Variants in CSGALNACT1 observed in about 807,000 individuals in gnomAD.
CSGALNACT1 encodes the protein chondroitin sulfate N-acetylgalactosaminyltransferase 1.
In CSGALNACT1, 52 loss-of-function variants were observed where a neutral mutation model predicts 51.0. That is an observed-to-expected ratio of 1.02 (90% confidence interval 0.82 to 1.29). The LOEUF (loss-of-function observed/expected upper bound fraction) is 1.29, where lower values mean the gene tolerates loss of function less well. CSGALNACT1 is among the 50% of genes most tolerant of loss of function. The probability of loss-of-function intolerance (pLI) is 0.00; values close to 1 mark genes in which losing one functional copy is unlikely to be tolerated. For synonymous variants in CSGALNACT1, 341 were observed against 254.4 expected (o/e 1.34, Z -3.24); for missense variants, 935 against 679.2 (o/e 1.38, Z -4.19).
intron 3 of CSGALNACT1, among the ~76,000 whole-genome samples, chr8:19,513,240 C>T (rs2078786380): frequency 6.6e-6 from 1 of 151,794 alleles, no homozygotes. Context: ...GCACCCAGGA[C>T]ATAGGAGGAT....
exon 10 of CSGALNACT1, chr8:19,404,394 CATGA>C (rs1442232464): frequency 4.4e-6 from 2 of 453,142 alleles, no homozygotes; most frequent in East Asian, 1.4e-4. Flanking sequence ...ATAATTTTCA[CATGA>C]ATGAAGAAAC....
exon 1 of CSGALNACT1, chr8:19,682,482 A>C (rs2060691733): frequency 8.5e-6 from 3 of 353,806 alleles, no homozygotes; most frequent in Non-Finnish European, 1.7e-5. Context: ...CCCACACACG[A>C]GATCAAAAAG....
At chr8:19,739,571 A>G (rs1401818689) in intron 1 of CSGALNACT1, among the ~76,000 whole-genome samples, 1 of 152,204 alleles carries the variant, frequency 6.6e-6, no homozygotes, top group Non-Finnish European at 1.5e-5. Flanking sequence ...GCATGACCAC[A>G]CAAGTGAACC....
At chr8:19,741,680 G>A (rs912401146) in intron 1 of CSGALNACT1, among the ~76,000 whole-genome samples, 18 of 151,986 alleles carry the variant, frequency 1.2e-4, no homozygotes, top group African/African-American at 3.9e-4. Context: ...AAAGGCTTCT[G>A]AATTCTTTTC....
chr8:19,569,155 G>C lies in CSGALNACT1; in HGVS notation c.-297+22005C>G, dbSNP rs529845977. On this transcript the variant is annotated intron_variant, in intron 3 of 9. Transcript: ENST00000454498. ...CACAGTGCTACCATTAGCCAGATGG[G>C]CGTAGTGGGAATATCCTGAAAAGTA... 3.3e-5 allele frequency among the ~76,000 whole-genome samples: 5 copies of C among 152,314 alleles called. No individual in the cohort carries two copies. The South Asian group carries it at 8.3e-4, about 25-fold the overall frequency.
intron 4 of CSGALNACT1, among the ~76,000 whole-genome samples, chr8:19,491,795 A>C (rs1201990203): frequency 6.6e-6 from 1 of 152,254 alleles, no homozygotes; most frequent in African/African-American, 2.4e-5. Context: ...AGTAATTTGC[A>C]AACGACACAA....
At chr8:19,507,680 T>C (rs1177422044) in intron 3 of CSGALNACT1, among the ~76,000 whole-genome samples, 10 of 152,228 alleles carry the variant, frequency 6.6e-5, no homozygotes, top group Non-Finnish European at 1.5e-5. Flanking sequence ...CAGGCTGGAA[T>C]GCAGTGGCGC....
At chr8:19,486,490 C>T (rs1414033688) in intron 4 of CSGALNACT1, among the ~76,000 whole-genome samples, 1 of 152,154 alleles carries the variant, frequency 6.6e-6, no homozygotes, top group Non-Finnish European at 1.5e-5. Context: ...ACCTCATCTC[C>T]TCCTTTTCTC....
intron 1 of CSGALNACT1, among the ~76,000 whole-genome samples, chr8:19,695,537 G>T (rs943493544): frequency 1.3e-5 from 2 of 152,070 alleles, no homozygotes; most frequent in Non-Finnish European, 2.9e-5. Context: ...TTGACTCCAG[G>T]AAAATAACCT....
At chr8:19,520,228 C>T (rs192061242) in intron 3 of CSGALNACT1, among the ~76,000 whole-genome samples, 5 of 152,326 alleles carry the variant, frequency 3.3e-5, no homozygotes, top group African/African-American at 7.2e-5. Context: ...ATTTTAGAAA[C>T]TCCATGAAGC....
intron 5 of CSGALNACT1, among the ~76,000 whole-genome samples, chr8:19,445,367 G>A (rs1396521177): frequency 6.6e-6 from 1 of 152,168 alleles, no homozygotes; most frequent in Non-Finnish European, 1.5e-5. Flanking sequence ...TGAAGAAAAA[G>A]CATTCTCATT....
chr8:19,686,511 T>G (rs1484023241), upstream of CSGALNACT1, among the ~76,000 whole-genome samples: 3 of 152,184 alleles, frequency 2.0e-5, no homozygotes, highest in East Asian at 5.8e-4. Flanking sequence ...CTGGCTGTCC[T>G]TGGGGGTTTG....
intron 1 of CSGALNACT1, among the ~76,000 whole-genome samples, chr8:19,627,848 G>GA (rs1206461282): frequency 4.6e-5 from 7 of 152,094 alleles, no homozygotes; most frequent in Non-Finnish European, 1.0e-4. Context: ...AAAGCAGGAT[G>GA]AAAAAACTAG....
At chr8:19,466,310 T>C (rs1416035133) in intron 4 of CSGALNACT1, among the ~76,000 whole-genome samples, 1 of 152,184 alleles carries the variant, frequency 6.6e-6, no homozygotes, top group Non-Finnish European at 1.5e-5. Flanking sequence ...TCATTTAATA[T>C]ACTTCATCTT....
upstream of CSGALNACT1, among the ~76,000 whole-genome samples, chr8:19,604,565 A>G (rs2051082611): frequency 6.6e-6 from 1 of 152,080 alleles, no homozygotes; most frequent in African/African-American, 2.4e-5. Context: ...TGACTTTGCA[A>G]CACACCTTCA....
intron 3 of CSGALNACT1, among the ~76,000 whole-genome samples, chr8:19,565,906 A>C (rs1174207157): frequency 6.6e-6 from 1 of 152,204 alleles, no homozygotes; most frequent in Non-Finnish European, 1.5e-5. Flanking sequence ...GCAAGGCTCC[A>C]TCTCAAACAA....
At chr8:19,645,400 A>G (rs1332437222) in intron 1 of CSGALNACT1, among the ~76,000 whole-genome samples, 6 of 152,234 alleles carry the variant, frequency 3.9e-5, no homozygotes, top group Non-Finnish European at 7.3e-5. Context: ...TCCCTTTGTC[A>G]GAGAACAAGC....
chr8:19,413,642 G>A (rs1463458007), intron 8 of CSGALNACT1, among the ~76,000 whole-genome samples: 1 of 152,240 alleles, frequency 6.6e-6, no homozygotes, highest in Non-Finnish European at 1.5e-5. Context: ...TTTCTGAAGG[G>A]AGGTAGAGAG....
At chr8:19,415,978 A>C (rs542750403) in intron 8 of CSGALNACT1, among the ~76,000 whole-genome samples, 1 of 152,332 alleles carries the variant, frequency 6.6e-6, no homozygotes, top group East Asian at 1.9e-4. Flanking sequence ...TCTGATGTAA[A>C]AGATTTAAAA....
Sources: allele counts gnomAD v4.1 joint callset (sites outside exome capture counted in the v4.1 genomes callset), GRCh38; gene constraint gnomAD v4.1.1; transcripts MANE v1.5; gene names NCBI Gene and HGNC (gene_info 2026-07-23, HGNC 2026-07-21).